LMNTD1: variants seen among roughly 807,000 people sequenced by gnomAD.
LMNTD1 encodes lamin tail domain-containing protein 1.
Under a neutral mutation model 50.9 loss-of-function variants are expected in LMNTD1, and 35 were observed. That is an observed-to-expected ratio of 0.69 (90% CI 0.53 to 0.91). The LOEUF (loss-of-function observed/expected upper bound fraction) is 0.91. LMNTD1 is among the 40% of genes least tolerant of loss of function. LMNTD1 has a pLI of 0.00. For missense variants in LMNTD1, 470 were observed against 475.5 expected, an observed-to-expected ratio of 0.99 and a Z score of 0.11; for synonymous variants, 153 against 161.9, an observed-to-expected ratio of 0.94 and a Z score of 0.42.
intron 4 of LMNTD1, among the ~76,000 whole-genome samples, chr12:25,544,652 G>A (rs1016039493): frequency 6.6e-6 from 1 of 151,402 alleles, no homozygotes; most frequent in African/African-American, 2.4e-5. Context: ...TTCTTTTGTG[G>A]TTAAGTAATT....
At chr12:25,608,310 T>C (rs1048325388) in intron 1 of LMNTD1, among the ~76,000 whole-genome samples, 1 of 152,252 alleles carries the variant, frequency 6.6e-6, no homozygotes, top group Admixed American at 6.5e-5. Context: ...TGTCTTTTAA[T>C]TGGGGCATTT....
chr12:25,488,346 T>C (rs1938739947), intron 9 of LMNTD1, among the ~76,000 whole-genome samples: 1 of 113,872 alleles, frequency 8.8e-6, no homozygotes. Flanking sequence ...TTATTCTTTT[T>C]TCTCTAAACT....
At chr12:25,492,328 A>G (rs1591823678) in intron 9 of LMNTD1, among the ~76,000 whole-genome samples, 1 of 152,246 alleles carries the variant, frequency 6.6e-6, no homozygotes, top group East Asian at 1.9e-4. Flanking sequence ...CTCCTTGCAC[A>G]TGTCAATTTC....
intron 6 of LMNTD1, 113 bp downstream of exon 6, chr12:25,525,986 A>G (rs1016077977): frequency 1.5e-6 from 1 of 670,140 alleles, no homozygotes; most frequent in Non-Finnish European, 2.1e-6. Flanking sequence ...AATTTTACTG[A>G]CATTTATGCA....
chr12:25,644,869 A>G (rs1439163970), intron 1 of LMNTD1, among the ~76,000 whole-genome samples: 2 of 152,202 alleles, frequency 1.3e-5, no homozygotes, highest in Non-Finnish European at 2.9e-5. Context: ...ATGGGCACAG[A>G]GACTGAGGTA....
intron 1 of LMNTD1, among the ~76,000 whole-genome samples, chr12:25,571,186 C>T (rs946065327): frequency 2.0e-5 from 3 of 152,034 alleles, no homozygotes; most frequent in African/African-American, 4.8e-5. Context: ...AGACAAATTA[C>T]CTCAGCAAAT....
intron 9 of LMNTD1, among the ~76,000 whole-genome samples, chr12:25,477,541 G>A (rs1020129522): frequency 6.6e-6 from 1 of 152,174 alleles, no homozygotes; most frequent in Non-Finnish European, 1.5e-5. Flanking sequence ...GATCAGGGAT[G>A]AGATTAAAGT....
intron 9 of LMNTD1, among the ~76,000 whole-genome samples, chr12:25,500,849 A>G (rs1939345066): frequency 6.6e-6 from 1 of 152,212 alleles, no homozygotes; most frequent in Admixed American, 6.5e-5. Context: ...ATGCCCACAC[A>G]TTCTTTGTAA....
chr12:25,581,075 G>A (rs1380827183), intron 1 of LMNTD1, among the ~76,000 whole-genome samples: 1 of 152,152 alleles, frequency 6.6e-6, no homozygotes, highest in African/African-American at 2.4e-5. Context: ...CAAAAGAGAG[G>A]AGGAAAAGGC....
intron 6 of LMNTD1, 24 bp downstream of exon 6, chr12:25,526,075 G>C (rs78968774): frequency 6.7e-7 from 1 of 1,494,646 alleles, no homozygotes; most frequent in African/African-American, 1.5e-5. Context: ...AAAAAAAAAC[G>C]ATTGTTAAGA....
chr12:25,568,179 C>A (rs568885637), intron 1 of LMNTD1, among the ~76,000 whole-genome samples: 1 of 152,278 alleles, frequency 6.6e-6, no homozygotes, highest in South Asian at 2.1e-4. Context: ...TATGCCTTAG[C>A]AAAGAACTTG....
At chr12:25,631,785 C>T (rs928349038) in intron 1 of LMNTD1, among the ~76,000 whole-genome samples, 1 of 152,120 alleles carries the variant, frequency 6.6e-6, no homozygotes, top group Non-Finnish European at 1.5e-5. Flanking sequence ...AGCAATGCAT[C>T]CAAACCAAAA....
chr12:25,560,644 A>AT (rs1283919558), intron 1 of LMNTD1, among the ~76,000 whole-genome samples: 3 of 152,124 alleles, frequency 2.0e-5, no homozygotes, highest in Non-Finnish European at 4.4e-5. Context: ...GGATATAGCC[A>AT]TTTTCACAAT....
At chr12:25,568,647 C>T (rs7969951) in intron 1 of LMNTD1, among the ~76,000 whole-genome samples, 1,957 of 152,318 alleles carry the variant, frequency 0.013, 28 homozygotes, top group Non-Finnish European at 0.018. Flanking sequence ...AATGCCAAAG[C>T]CCTGCATCAC....
chr12:25,552,581 G>GGAAAAAA (rs1352627059), intron 2 of LMNTD1, among the ~76,000 whole-genome samples: 4 of 58,154 alleles, frequency 6.9e-5, no homozygotes, highest in Non-Finnish European at 9.7e-5. Flanking sequence ...CACTCTGTCT[G>GGAAAAAA]AAAAAAAAAA....
At chr12:25,527,881 G>A (rs1442864899) in intron 4 of LMNTD1, among the ~76,000 whole-genome samples, 11 of 151,104 alleles carry the variant, frequency 7.3e-5, no homozygotes, top group East Asian at 1.9e-4. Context: ...CATATTTGAA[G>A]CAAAGCCTGG....
Position 25,526,914 on chromosome 12 carries a change from C to A in LMNTD1, c.533G>T (p.Gly178Val), listed in dbSNP as rs139058419. 1.4e-5 allele frequency: 22 copies of A among 1,610,920 alleles called. No individual in the cohort carries two copies. The highest frequency in any genetic ancestry group is 1.9e-5 in the Non-Finnish European group (22 of 1,178,682). Residue 178 changes from glycine (G) to valine (V), a missense_variant, in exon 5 of 10, where the codon GGT becomes GTT. By Grantham distance (109) the Gly-to-Val change is moderately radical. Coordinates refer to ENST00000458174, the MANE Select transcript of LMNTD1 (RefSeq NM_001145728.2). ...DVEIAEVNVK[G>V]LFVKLINSSL... is the part of the protein sequence containing the mutation. ...AGAGTTAATGAGCTTCACGAACAAACCCTTGACATTCACTTCAGCTATTTC... is the reference window on the plus strand; with the variant it reads ...AGAGTTAATGAGCTTCACGAACAAAACCTTGACATTCACTTCAGCTATTTC...
At chr12:25,603,534 C>CT (rs1251005962) in intron 1 of LMNTD1, among the ~76,000 whole-genome samples, 3 of 151,792 alleles carry the variant, frequency 2.0e-5, no homozygotes, top group Non-Finnish European at 4.4e-5. Flanking sequence ...ATTAATACAC[C>CT]TTTTTTAAGT....
At chr12:25,609,489 C>T (rs957875122) in intron 1 of LMNTD1, among the ~76,000 whole-genome samples, 7 of 152,042 alleles carry the variant, frequency 4.6e-5, no homozygotes. Flanking sequence ...TGTTGGTGAC[C>T]TACAGATGAG....
Sources: allele counts gnomAD v4.1 joint callset (sites outside exome capture counted in the v4.1 genomes callset), GRCh38; gene constraint gnomAD v4.1.1; transcripts MANE v1.5; gene names NCBI Gene and HGNC (gene_info 2026-07-23, HGNC 2026-07-21).